SLIT2: variants seen among roughly 807,000 people sequenced by gnomAD.
SLIT2 encodes the protein slit guidance ligand 2, also known as slit homolog 2 protein.
SLIT2 carries 41 observed loss-of-function variants against 185.7 expected under a neutral mutation model. The observed-to-expected ratio is 0.22, with a 90% CI of 0.17 to 0.29. The LOEUF (loss-of-function observed/expected upper bound fraction) is 0.29, where lower values mean the gene tolerates loss of function less well. Ranked by LOEUF, SLIT2 falls within the 10% of genes least tolerant of loss-of-function variation. The pLI is 1.00. For missense variants in SLIT2, 1,571 were observed against 1,909.0 expected, an observed-to-expected ratio of 0.82 and a Z score of 3.30; for synonymous variants, 693 against 680.2, an observed-to-expected ratio of 1.02 and a Z score of -0.29.
chr4:20,594,547 C>T (rs78312817), intron 30 of SLIT2, among the ~76,000 whole-genome samples: 2,459 of 152,012 alleles, frequency 0.016, 54 homozygotes, highest in African/African-American at 0.056. Flanking sequence ...AAGACCCCTC[C>T]TCATAGATGG....
At chr4:20,532,882 A>C (rs1721927565) in intron 17 of SLIT2, among the ~76,000 whole-genome samples, 1 of 152,202 alleles carries the variant, frequency 6.6e-6, no homozygotes, top group Non-Finnish European at 1.5e-5. Context: ...TTTATTAAGA[A>C]GCTACTGTGT....
intron 4 of SLIT2, among the ~76,000 whole-genome samples, chr4:20,392,736 C>T (rs1344366566): frequency 1.3e-5 from 2 of 151,964 alleles, no homozygotes; most frequent in Non-Finnish European, 2.9e-5. Context: ...AACACAAACA[C>T]ATATATTAGC....
chr4:20,468,144 C>G (rs1490203606), intron 5 of SLIT2, among the ~76,000 whole-genome samples: 1 of 152,020 alleles, frequency 6.6e-6, no homozygotes, highest in Non-Finnish European at 1.5e-5. Flanking sequence ...ACTTCAGTAA[C>G]TATGTATTCA....
At chr4:20,409,879 G>C (rs555244163) in intron 4 of SLIT2, among the ~76,000 whole-genome samples, 1 of 152,210 alleles carries the variant, frequency 6.6e-6, no homozygotes, top group African/African-American at 2.4e-5. Context: ...CTTTTGAGAA[G>C]TGTCTATTCA....
chr4:20,603,175 G>C, intron 33 of SLIT2, among the ~76,000 whole-genome samples: 1 of 152,124 alleles, frequency 6.6e-6, no homozygotes. Flanking sequence ...TGTCTTACAT[G>C]GTGGCAGACA....
chr4:20,259,264 C>T (rs2109011627), intron 3 of SLIT2, among the ~76,000 whole-genome samples: 1 of 151,768 alleles, frequency 6.6e-6, no homozygotes, highest in African/African-American at 2.4e-5. Context: ...ATTCTTTGAT[C>T]TCCTTGATAG....
rs572250585 is a variant in SLIT2, at chr4:20,399,064, A to G, written c.396-68688A>G. On this transcript the variant is annotated intron_variant, in intron 4 of 36. Transcript: ENST00000504154. ...AAGCGTACTTTGTGGTATTCAAGCA[A>G]TCTTGTAAAACATGCCAAGCAGCTT... is the stretch of plus-strand genomic sequence containing the variant. Among the ~76,000 whole-genome samples, 3 of 151,814 alleles carry G rather than the reference A, an allele frequency of 2.0e-5. No homozygotes were observed. In the South Asian group the frequency reaches 6.2e-4, roughly 31 times the overall value.
chr4:20,519,290 T>C (rs947220291), intron 11 of SLIT2, 92 bp from the exon 12 acceptor site: 1 of 700,492 alleles, frequency 1.4e-6, no homozygotes, highest in Admixed American at 2.4e-5. Flanking sequence ...GATTGCCTAC[T>C]AGCTTCCTGT....
At chr4:20,352,081 G>T (rs1266975760) in intron 4 of SLIT2, among the ~76,000 whole-genome samples, 1 of 152,144 alleles carries the variant, frequency 6.6e-6, no homozygotes, top group Non-Finnish European at 1.5e-5. Context: ...TGCTGGCAAA[G>T]TGTCAGTGCT....
At chr4:20,576,378 G>T (rs560456755) in intron 29 of SLIT2, among the ~76,000 whole-genome samples, 1 of 152,042 alleles carries the variant, frequency 6.6e-6, no homozygotes, top group South Asian at 2.1e-4. Context: ...TTTATTTAGG[G>T]ATAGGTCTTT....
At position 20,405,532 on chromosome 4, in the gene SLIT2, G is replaced by A. The variant is rs141420953; in HGVS notation, c.396-62220G>A. On this transcript the variant is annotated intron_variant, in intron 4 of 36. Transcript: ENST00000504154. ...GTGAGAGTGTAAAGCATAGTGTCTGGCACATAATAATCTTTGTGCTTGCCG... is the reference window on the plus strand; with the variant it reads ...GTGAGAGTGTAAAGCATAGTGTCTGACACATAATAATCTTTGTGCTTGCCG... Among the ~76,000 whole-genome samples the A allele has an allele frequency of 1.4e-3, 209 of 151,894 alleles. 1 individual carries two copies. Among genetic ancestry groups the A allele is most frequent in the Non-Finnish European group, 2.7e-3 (185 of 67,872 alleles).
At chr4:20,518,557 G>GTGTGTGTGTATATATATATATATATATA (rs1271279922) in intron 11 of SLIT2, among the ~76,000 whole-genome samples, 1 of 17,848 alleles carries the variant, frequency 5.6e-5, no homozygotes, top group Non-Finnish European at 9.5e-5. Flanking sequence ...CAGCCTATAT[G>GTGTGTGTGTATATATATATATATATATA]TATATATATA....
intron 6 of SLIT2, among the ~76,000 whole-genome samples, chr4:20,482,452 C>A (rs1374927032): frequency 6.6e-6 from 1 of 151,906 alleles, no homozygotes; most frequent in Admixed American, 6.6e-5. Context: ...CCCACAAATA[C>A]AATAACTACA....
intron 24 of SLIT2, among the ~76,000 whole-genome samples, chr4:20,549,363 T>C (rs1723532634): frequency 6.6e-6 from 1 of 152,194 alleles, no homozygotes; most frequent in Non-Finnish European, 1.5e-5. Context: ...TAGTCATTTA[T>C]TTGATTATAT....
intron 4 of SLIT2, among the ~76,000 whole-genome samples, chr4:20,344,392 C>T (rs374418181): frequency 1.6e-4 from 25 of 152,090 alleles, no homozygotes; most frequent in African/African-American, 5.8e-4. Flanking sequence ...GTATTATACA[C>T]GATTTCATGG....
At chr4:20,458,535 C>T (rs1193287921) in intron 4 of SLIT2, among the ~76,000 whole-genome samples, 4 of 152,122 alleles carry the variant, frequency 2.6e-5, no homozygotes, top group Admixed American at 6.6e-5. Flanking sequence ...TCTGGAGTGG[C>T]GCTCAGAAGT....
At chr4:20,463,437 C>A (rs1713937225) in intron 4 of SLIT2, among the ~76,000 whole-genome samples, 1 of 106,974 alleles carries the variant, frequency 9.3e-6, no homozygotes, top group African/African-American at 3.5e-5. Context: ...TCTTCATTGA[C>A]CTCAAACTGT....
chr4:20,485,035 C>A lies in SLIT2; in HGVS notation c.540-1165C>A, dbSNP rs1717079140. 2.6e-5 allele frequency among the ~76,000 whole-genome samples: 4 copies of A among 152,264 alleles called. No individual in the cohort carries two copies. In the South Asian group the frequency reaches 8.3e-4, roughly 32 times the overall value. On this transcript the variant is annotated intron_variant, in intron 6 of 36. Transcript: ENST00000504154. ...CTTGTCCAGTATCAACTTCATCCAA[C>A]AGGACCACTGATGCTCTTTCTCCTA...
At chr4:20,368,219 C>CAAAAAAAAAAAAAAAAAA (rs71653879) in intron 4 of SLIT2, among the ~76,000 whole-genome samples, 9 of 107,414 alleles carry the variant, frequency 8.4e-5, no homozygotes, top group East Asian at 2.6e-4. Context: ...CACAAAATAG[C>CAAAAAAAAAAAAAAAAAA]AAAAAAAAAA....
Sources: gnomAD v4.1 joint callset for allele counts (sites outside exome capture counted in the v4.1 genomes callset) on GRCh38, gnomAD v4.1.1 for gene constraint, MANE v1.5 for transcripts, NCBI Gene and HGNC (gene_info 2026-07-23, HGNC 2026-07-21) for gene names.